Variants in FAM120AOS observed in about 807,000 individuals in gnomAD.
FAM120AOS encodes the protein family with sequence similarity 120 member A opposite strand.
In FAM120AOS, 15 loss-of-function variants were observed where a neutral mutation model predicts 20.2. The ratio of observed to expected loss-of-function variants is 0.74; its 90% CI spans 0.50 to 1.15. FAM120AOS has a LOEUF of 1.15. Among genes scored for constraint, FAM120AOS ranks in the 50% most tolerant of loss-of-function variants. The pLI, the probability that FAM120AOS is intolerant of heterozygous loss-of-function variation, is 0.00. For synonymous variants in FAM120AOS, 154 were observed against 154.0 expected, an observed-to-expected ratio of 1.00 and a Z score of 0.00; for missense variants, 327 against 351.9, an observed-to-expected ratio of 0.93 and a Z score of 0.57.
Position 93,444,457 on chromosome 9 carries a change from A to G in FAM120AOS, c.*3154T>C, listed in dbSNP as rs2131118098. Among the ~76,000 whole-genome samples the G allele has an allele frequency of 6.6e-6, 1 of 152,368 alleles. No homozygotes were observed. The highest frequency in any genetic ancestry group is 2.1e-4 in the South Asian group (1 of 4,830). On this transcript the variant is annotated 3_prime_UTR_variant, in exon 3 of 3. Coordinates refer to ENST00000375412, the MANE Select transcript of FAM120AOS (RefSeq NM_198841.4). ...GGCCCCCATTTACCAGAATGTTTTA[A>G]GAAAGTTCCAGACTGTTTTCCCATC...
chr9:93,451,141 C>A (rs1857152940), intron 1 of FAM120AOS: 1 of 1,550,442 alleles, frequency 6.4e-7, no homozygotes, highest in Non-Finnish European at 8.7e-7. Flanking sequence ...AGAAGCCAGG[C>A]GCGGCCGGCC....
At chr9:93,451,369 G>A (rs1857174404) in intron 1 of FAM120AOS, 3 of 1,416,428 alleles carry the variant, frequency 2.1e-6, no homozygotes, top group East Asian at 5.2e-5. Flanking sequence ...ACCACCGGGC[G>A]GAGGCGGCGG....
rs985940378 is a variant in FAM120AOS, at chr9:93,446,354, G to C, written c.*1257C>G. 2 of 152,156 alleles carry C rather than the reference G, an allele frequency of 1.3e-5. No individual in the cohort carries two copies. Among genetic ancestry groups the C allele is most frequent in the Non-Finnish European group, 2.9e-5 (2 of 68,034 alleles). The allele number at this position is 152,156 out of a possible 1,614,324, so 9.4% of individuals were successfully genotyped here. ...CTAGTGTTTTCATATTCTGGTATGA[G>C]AGACTTGCTTCCTCTGGAAAGATCT... On this transcript the variant is annotated 3_prime_UTR_variant, in exon 3 of 3. Transcript: ENST00000375412.
Position 93,452,948 on chromosome 9 carries a change from C to T in FAM120AOS, c.-239G>A. The T allele has an allele frequency of 7.2e-7, 1 of 1,393,028 alleles. No homozygotes were observed. The highest frequency in any genetic ancestry group is 1.6e-5 in the South Asian group (1 of 62,568). 86.3% of individuals were successfully genotyped at this position (1,393,028 alleles called of 1,614,324 possible). On this transcript the variant is annotated 5_prime_UTR_variant, in exon 1 of 3. Coordinates refer to ENST00000375412, the MANE Select transcript of FAM120AOS (RefSeq NM_198841.4). The surrounding 1 kb of genome is among the most constrained non-coding windows in gnomAD (Gnocchi z 7.0). ...CGTGTCTAAGGGCCAGTGCCCTGGC[C>T]TCTACTTCAGAACGCAGTGCCCTGT... is the stretch of plus-strand genomic sequence containing the variant.
Position 93,453,540 on chromosome 9 carries a change from G to T in FAM120AOS, c.-831C>A, listed in dbSNP as rs890356525. On this transcript the variant is annotated 5_prime_UTR_variant, in exon 1 of 3. Coordinates refer to ENST00000375412, the MANE Select transcript of FAM120AOS (RefSeq NM_198841.4). ...AAGTTTGTGAAATTCTGTCTTCGCG[G>T]TTGCCCCCACTGCCCGCGAGGAGAT... is the stretch of plus-strand genomic sequence containing the variant. 5.1e-6 allele frequency: 5 copies of T among 985,302 alleles called. No homozygotes were observed. Among genetic ancestry groups the T allele is most frequent in the Admixed American group, 1.2e-4 (2 of 16,262 alleles). The allele number at this position is 985,302 out of a possible 1,614,324, so 61.0% of individuals were successfully genotyped here. A position where few individuals can be genotyped will look rare whatever the true frequency, so the allele number is the denominator to read the frequency against.
Position 93,444,320 on chromosome 9 carries a change from G to A in FAM120AOS, c.*3291C>T, listed in dbSNP as rs1205625742. ...CTCCCAAAGTGCTGGGATGACAGGC[G>A]TGAGCCACCGTGTCCAGCCTGACTA... On this transcript the variant is annotated 3_prime_UTR_variant, in exon 3 of 3. Coordinates refer to ENST00000375412, the MANE Select transcript of FAM120AOS (RefSeq NM_198841.4). 2.0e-5 allele frequency among the ~76,000 whole-genome samples: 3 copies of A among 152,072 alleles called. No individual in the cohort carries two copies. Among genetic ancestry groups the A allele is most frequent in the Non-Finnish European group, 2.9e-5 (2 of 67,978 alleles).
Position 93,444,103 on chromosome 9 carries a change from C to T in FAM120AOS, c.*3508G>A, listed in dbSNP as rs1381281437. Among the ~76,000 whole-genome samples the T allele has an allele frequency of 2.6e-5, 4 of 152,198 alleles. No homozygotes were observed. The highest frequency in any genetic ancestry group is 3.9e-4 in the East Asian group (2 of 5,162). On this transcript the variant is annotated 3_prime_UTR_variant, in exon 3 of 3. Transcript: ENST00000375412. ...CTGTCCAGGCTGGAGTGCAATGGCG[C>T]GATCTCGGCTCACTGCAACCTCCAC...
intron 2 of FAM120AOS, among the ~76,000 whole-genome samples, chr9:93,449,521 A>C (rs1588744014): frequency 1.0e-5 from 1 of 95,502 alleles, no homozygotes. Flanking sequence ...TTTGAGATGG[A>C]GCCTCGCTCT....
Position 93,447,398 on chromosome 9 carries a change from A to G in FAM120AOS, c.*213T>C, listed in dbSNP as rs1332335116. 2 of 550,784 alleles carry G rather than the reference A, an allele frequency of 3.6e-6. No individual in the cohort carries two copies. The highest frequency in any genetic ancestry group is 1.9e-5 in the African/African-American group (1 of 52,992). The allele number at this position is 550,784 out of a possible 1,614,324, so 34.1% of individuals were successfully genotyped here. A position where few individuals can be genotyped will look rare whatever the true frequency, so the allele number is the denominator to read the frequency against. ...TGTTGACTCTACTCTGACTTAGGACATATCACTTTCCTCTCTTGACCTTCA... is the reference window on the plus strand; with the variant it reads ...TGTTGACTCTACTCTGACTTAGGACGTATCACTTTCCTCTCTTGACCTTCA... On this transcript the variant is annotated 3_prime_UTR_variant, in exon 3 of 3. Transcript: ENST00000375412.
At position 93,444,875 on chromosome 9, in the gene FAM120AOS, A is replaced by G. The variant is rs1856795793; in HGVS notation, c.*2736T>C. On this transcript the variant is annotated 3_prime_UTR_variant, in exon 3 of 3. Transcript: ENST00000375412. ...GTGATCCACCCGCCTCGGCCTCCCA[A>G]AGTGCTGGGATTACAGGAATGAGCC... 2.0e-5 allele frequency among the ~76,000 whole-genome samples: 3 copies of G among 152,244 alleles called. No homozygotes were observed. In the South Asian group the frequency reaches 6.2e-4, roughly 32 times the overall value.
chr9:93,453,470 C>T lies in FAM120AOS; in HGVS notation c.-761G>A, dbSNP rs910445240. 2 of 985,482 alleles carry T rather than the reference C, an allele frequency of 2.0e-6. No individual in the cohort carries two copies. The highest frequency in any genetic ancestry group is 2.4e-6 in the Non-Finnish European group (2 of 829,946). 61.0% of individuals were successfully genotyped at this position (985,482 alleles called of 1,614,324 possible). A position where few individuals can be genotyped will look rare whatever the true frequency, so the allele number is the denominator to read the frequency against. On this transcript the variant is annotated 5_prime_UTR_variant, in exon 1 of 3. Transcript: ENST00000375412. ...GTTGTCTTAGCTCTTGACACTCGGT[C>T]TTCCATCTTGTCATTTGACATTTCC...
chr9:93,450,595 G>C lies in FAM120AOS; in HGVS notation c.568C>G (p.Leu190Val). The stretch of plus-strand genomic sequence containing the variant: ...CGGTTGCATCCTGCTCCTCTACAGA[G>C]GTTTCTCCAAAAAAAGAACAAATGG... ...KQALASAARN[L>V]CRGAGCNRQA... The change falls in exon 2 of 3, where the codon CTC becomes GTC. Residue 190 changes from leucine (L) to valine (V), a missense_variant. Leu to Val is a conservative substitution (Grantham distance 32). Transcript: ENST00000375412. 4 of 1,605,668 alleles carry C rather than the reference G, an allele frequency of 2.5e-6. 1 individual carries two copies. The South Asian group carries it at 3.3e-5, about 13-fold the overall frequency.
At position 93,453,565 on chromosome 9, in the gene FAM120AOS, T is replaced by C. The variant is rs1212568430; in HGVS notation, c.-856A>G. The C allele has an allele frequency of 9.1e-6, 9 of 985,176 alleles. No individual in the cohort carries two copies. Among genetic ancestry groups the C allele is most frequent in the South Asian group, 4.7e-5 (1 of 21,286 alleles). The allele number at this position is 985,176 out of a possible 1,614,324, so 61.0% of individuals were successfully genotyped here. On this transcript the variant is annotated 5_prime_UTR_variant, in exon 1 of 3. Coordinates refer to ENST00000375412, the MANE Select transcript of FAM120AOS (RefSeq NM_198841.4). ...GTTGCCCCCACTGCCCGCGAGGAGATGGTGGTAGTTAAGCCTAAAATGATA... is the reference window on the plus strand; with the variant it reads ...GTTGCCCCCACTGCCCGCGAGGAGACGGTGGTAGTTAAGCCTAAAATGATA...
rs767199260 is a variant in FAM120AOS, at chr9:93,443,493, T to C, written c.*4118A>G. The stretch of plus-strand genomic sequence containing the variant: ...CAGGTTGGAAGGTCATTTTTACAGT[T>C]CTGAACTGCTGTGCAGTGAGGACTG... On this transcript the variant is annotated 3_prime_UTR_variant, in exon 3 of 3. Coordinates refer to ENST00000375412, the MANE Select transcript of FAM120AOS (RefSeq NM_198841.4). Among the ~76,000 whole-genome samples, 1 of 152,256 alleles carries C rather than the reference T, an allele frequency of 6.6e-6. No individual in the cohort carries two copies. Among genetic ancestry groups the C allele is most frequent in the Non-Finnish European group, 1.5e-5 (1 of 68,050 alleles).
In FAM120AOS at chr9:93,453,094, GT is replaced by G. The variant is rs984549446; in HGVS notation, c.-386del. ...GTCAGTTCTGTGACTTCACGTCCGT[GT>G]GAAAGAGGTCTTTAAGGCAGTTCGG... On this transcript the variant is annotated 5_prime_UTR_variant, in exon 1 of 3. An upstream open reading frame in the 5' UTR gains an earlier in-frame stop. Transcript: ENST00000375412. 7.3e-5 allele frequency: 77 copies of G among 1,054,006 alleles called. No homozygotes were observed. Among genetic ancestry groups the G allele is most frequent in the Non-Finnish European group, 8.2e-5 (72 of 873,714 alleles). The allele number at this position is 1,054,006 out of a possible 1,614,324, so 65.3% of individuals were successfully genotyped here.
intron 2 of FAM120AOS, among the ~76,000 whole-genome samples, chr9:93,449,977 A>C (rs1362334863): frequency 6.6e-6 from 1 of 151,934 alleles, no homozygotes; most frequent in African/African-American, 2.4e-5. Flanking sequence ...TAACTGTATT[A>C]TTTCTTTTAT....
In FAM120AOS at chr9:93,447,358, T is replaced by G; in HGVS notation, c.*253A>C. On this transcript the variant is annotated 3_prime_UTR_variant, in exon 3 of 3. Transcript: ENST00000375412. ...GTATACACCAGGGGCTCAGTCGCTG[T>G]TTGTCTTATTTTCTTGTTGACTCTA... The G allele has an allele frequency of 4.7e-6, 2 of 422,930 alleles. No individual in the cohort carries two copies. Among genetic ancestry groups the G allele is most frequent in the Non-Finnish European group, 4.3e-6 (1 of 233,012 alleles). The allele number at this position is 422,930 out of a possible 1,614,324, so 26.2% of individuals were successfully genotyped here.
rs1445472022 is a variant in FAM120AOS, at chr9:93,452,859, G to A, written c.-150C>T. ...AGGGGGTTTCGCCAGAGCCCTTGGG[G>A]GCTGCAAATATCAGTGCTGCTGCCG... On this transcript the variant is annotated 5_prime_UTR_variant, in exon 1 of 3. Transcript: ENST00000375412. The surrounding 1 kb of genome is among the most constrained non-coding windows in gnomAD (Gnocchi z 7.0). 7.4e-6 allele frequency: 11 copies of A among 1,482,562 alleles called. No homozygotes were observed. The highest frequency in any genetic ancestry group is 1.3e-5 in the South Asian group (1 of 75,574). 91.8% of individuals were successfully genotyped at this position (1,482,562 alleles called of 1,614,324 possible). A position where few individuals can be genotyped will look rare whatever the true frequency, so the allele number is the denominator to read the frequency against.
In FAM120AOS at chr9:93,452,611, C is replaced by A; in HGVS notation, c.99G>T (p.Arg33=). ...GTCTCCAGCTGTCCCTGTTCGGGGT[C>A]CGCGGCCGCGTGGGGACACTTGAGG... is the stretch of plus-strand genomic sequence containing the variant. ...SQPSSVPTRP[R]TPNRDSWRRA... Residue 33 remains arginine (R), a synonymous_variant, in exon 1 of 3, where the codon CGG becomes CGT. Coordinates refer to ENST00000375412, the MANE Select transcript of FAM120AOS (RefSeq NM_198841.4). The surrounding 1 kb of genome is among the most constrained non-coding windows in gnomAD (Gnocchi z 7.0). The A allele has an allele frequency of 6.3e-7, 1 of 1,599,104 alleles. No individual in the cohort carries two copies.
Sources: allele counts gnomAD v4.1 joint callset (sites outside exome capture counted in the v4.1 genomes callset), GRCh38; gene constraint gnomAD v4.1.1; non-coding constraint Gnocchi (gnomAD v3.1); transcripts MANE v1.5; gene names NCBI Gene and HGNC (gene_info 2026-07-23, HGNC 2026-07-21).